DAAM2: variants seen among roughly 807,000 people sequenced by gnomAD.
DAAM2 encodes dishevelled associated activator of morphogenesis 2, also known as disheveled-associated activator of morphogenesis 2.
A neutral mutation model predicts 120.7 loss-of-function variants in DAAM2; 39 were observed. That is an observed-to-expected ratio of 0.32 (90% CI 0.25 to 0.42). DAAM2 has a LOEUF of 0.42. Among genes scored for constraint, DAAM2 ranks in the 10% least tolerant of loss-of-function variants. DAAM2 has a pLI of 1.00. For missense variants in DAAM2, 1,283 were observed against 1,401.7 expected (o/e 0.92, Z 1.35); for synonymous variants, 488 against 524.9 (o/e 0.93, Z 0.96).
chr6:39,882,657 C>A (rs538788803), intron 14 of DAAM2, among the ~76,000 whole-genome samples: 1 of 151,702 alleles, frequency 6.6e-6, no homozygotes, highest in Admixed American at 6.6e-5. Context: ...AGAAGCCCGA[C>A]GCCTCTCCTA....
rs749428320 is a variant in DAAM2 at position 39,884,032 on chromosome 6, A to G, written c.1916A>G (p.Asp639Gly). ...GTATTTCGGATCCTGGACCTAGAGGATTTTGAAAAGATGTTTTCAGCCTAC... is the reference window on the plus strand; with the variant it reads ...GTATTTCGGATCCTGGACCTAGAGGGTTTTGAAAAGATGTTTTCAGCCTAC... The part of the protein sequence containing the change: ...MQVFRILDLE[D>G]FEKMFSAYQR... The change falls in exon 15 of 25, where the codon GAT (aspartate) becomes GGT (glycine). Residue 639 changes from aspartate to glycine, a missense_variant. Around this residue, in one of 3 missense-constraint regions of DAAM2, gnomAD observed 748 missense variants for 768.6 expected, o/e 0.97. Transcript: ENST00000274867. 4.3e-6 allele frequency: 7 copies of G among 1,612,634 alleles called. No homozygotes were observed. The African/African-American group carries it at 9.4e-5, about 22-fold the overall frequency.
chr6:39,815,511 G>A (rs984321434), intron 1 of DAAM2, among the ~76,000 whole-genome samples: 8 of 152,142 alleles, frequency 5.3e-5, no homozygotes, highest in Non-Finnish European at 1.0e-4. Flanking sequence ...CAATGAAACT[G>A]TGTCTGTTAA....
At chr6:39,811,452 C>T (rs968958082) in intron 1 of DAAM2, among the ~76,000 whole-genome samples, 15 of 152,118 alleles carry the variant, frequency 9.9e-5, no homozygotes, top group African/African-American at 3.4e-4. Flanking sequence ...TGCCTGTTCT[C>T]CTTCAGGCAG....
chr6:39,824,210 T>G (rs950809868), intron 1 of DAAM2, among the ~76,000 whole-genome samples: 2 of 152,160 alleles, frequency 1.3e-5, no homozygotes. Context: ...CCGCCCCCAG[T>G]TCTGTGCCTG....
At chr6:39,814,200 T>C (rs938585585) in intron 1 of DAAM2, among the ~76,000 whole-genome samples, 4 of 151,992 alleles carry the variant, frequency 2.6e-5, no homozygotes, top group Non-Finnish European at 5.9e-5. Flanking sequence ...TTTTTTTTTT[T>C]TCTCGCTCAT....
intron 1 of DAAM2, among the ~76,000 whole-genome samples, chr6:39,846,895 T>C (rs887035484): frequency 2.6e-5 from 4 of 152,104 alleles, no homozygotes; most frequent in African/African-American, 9.7e-5. Flanking sequence ...ACACACAACA[T>C]TTAGGAGGAG....
chr6:39,815,685 C>CACACACACACACACACACACA (rs1762288684), intron 1 of DAAM2, among the ~76,000 whole-genome samples: 1 of 146,760 alleles, frequency 6.8e-6, no homozygotes, highest in African/African-American at 2.5e-5. Flanking sequence ...CACACACACA[C>CACACACACACACACACACACA]CGTTTACACA....
At chr6:39,859,318 T>C (rs1213890907) in intron 2 of DAAM2, among the ~76,000 whole-genome samples, 2 of 152,304 alleles carry the variant, frequency 1.3e-5, no homozygotes, top group East Asian at 1.9e-4. Context: ...GTAAGGTGCA[T>C]ATAACTCTCC....
chr6:39,868,787 C>A, intron 6 of DAAM2, 36 bp from the exon 7 acceptor site: 2 of 1,493,300 alleles, frequency 1.3e-6, no homozygotes, highest in Non-Finnish European at 1.8e-6. Flanking sequence ...GGGAACTCAG[C>A]CCTCTCCTCC....
chr6:39,891,871 T>A (rs1765745202), intron 19 of DAAM2, 149 bp downstream of exon 19: 3 of 643,394 alleles, frequency 4.7e-6, no homozygotes, highest in African/African-American at 1.8e-5. Context: ...AAATCTAAAA[T>A]GATGATTATT....
At chr6:39,861,400 T>C in intron 3 of DAAM2, 1 of 355,236 alleles carries the variant, frequency 2.8e-6, no homozygotes, top group East Asian at 7.3e-5. Flanking sequence ...GATGTCCTCT[T>C]TTGGATCTTT....
intron 1 of DAAM2, chr6:39,793,241 G>A (rs1291114027): frequency 6.6e-6 from 1 of 152,356 alleles, no homozygotes; most frequent in Non-Finnish European, 1.5e-5. Context: ...GAGTGGGATG[G>A]TTGGTTCTGC....
intron 1 of DAAM2, chr6:39,819,032 T>G (rs1213121750): frequency 6.6e-6 from 1 of 152,196 alleles, no homozygotes; most frequent in Non-Finnish European, 1.5e-5. Context: ...AGGGTTTTCC[T>G]CCACAAAACT....
chr6:39,837,215 G>A (rs9369141), intron 1 of DAAM2, among the ~76,000 whole-genome samples: 22,151 of 152,042 alleles, frequency 0.15, 3,143 homozygotes, highest in East Asian at 0.36. Context: ...TGCCTCCCCC[G>A]TCTCTCTTGG....
intron 1 of DAAM2, among the ~76,000 whole-genome samples, chr6:39,813,009 T>G (rs1274145390): frequency 6.8e-6 from 1 of 146,484 alleles, no homozygotes; most frequent in Non-Finnish European, 1.5e-5. Flanking sequence ...GGAAGTGGAT[T>G]GGCTCTCCCT....
chr6:39,850,690 CATT>C (rs1763776261), intron 1 of DAAM2, among the ~76,000 whole-genome samples: 1 of 152,106 alleles, frequency 6.6e-6, no homozygotes, highest in Non-Finnish European at 1.5e-5. Flanking sequence ...ATCGTGGTAT[CATT>C]GTAGGGTTGG....
In DAAM2 at chr6:39,886,856, C is replaced by T. The variant is rs368322547; in HGVS notation, c.1954-630C>T. 1.2e-4 allele frequency: 21 copies of T among 175,674 alleles called. No individual in the cohort carries two copies. The East Asian group carries it at 1.8e-3, about 15-fold the overall frequency. The allele number at this position is 175,674 out of a possible 1,614,324, so 10.9% of individuals were successfully genotyped here. A position where few individuals can be genotyped will look rare whatever the true frequency, so the allele number is the denominator to read the frequency against. ...ACACTAGACAGCCTCCTGTCTACCT[C>T]GCCAGGGGCCCAAGAGAAGGAGTGG... On this transcript the variant is annotated intron_variant, in intron 15 of 24. Transcript: ENST00000274867.
chr6:39,800,667 T>C (rs1761834828), intron 1 of DAAM2, among the ~76,000 whole-genome samples: 1 of 152,176 alleles, frequency 6.6e-6, no homozygotes, highest in South Asian at 2.1e-4. Flanking sequence ...TGTCAGGCAC[T>C]CCTGTCCATG....
At chr6:39,846,066 C>T (rs1480235653) in intron 1 of DAAM2, among the ~76,000 whole-genome samples, 2 of 152,028 alleles carry the variant, frequency 1.3e-5, no homozygotes, top group Non-Finnish European at 2.9e-5. Context: ...CAAATGCATC[C>T]AAGGCGTTTT....
Sources: allele counts gnomAD v4.1 joint callset (sites outside exome capture counted in the v4.1 genomes callset), GRCh38; gene constraint gnomAD v4.1.1; regional missense constraint gnomAD v4.1.1; transcripts MANE v1.5; gene names NCBI Gene and HGNC (gene_info 2026-07-23, HGNC 2026-07-21).